Variants in TNKS observed in about 807,000 individuals in gnomAD.
TNKS encodes tankyrase.
Under a neutral mutation model 135.8 loss-of-function variants are expected in TNKS, and 72 were observed. That is an observed-to-expected ratio of 0.53 (90% CI 0.44 to 0.64). The LOEUF (loss-of-function observed/expected upper bound fraction) is 0.64, where lower values mean the gene tolerates loss of function less well. TNKS is among the 30% of genes least tolerant of loss of function. The pLI is 0.00. For synonymous variants in TNKS, 849 were observed against 649.3 expected (o/e 1.31, Z -4.68); for missense variants, 1,769 against 1,674.0 (o/e 1.06, Z -0.99).
intron 5 of TNKS, among the ~76,000 whole-genome samples, chr8:9,695,776 G>T (rs1369578232): frequency 6.6e-6 from 1 of 152,146 alleles, no homozygotes; most frequent in Non-Finnish European, 1.5e-5. Context: ...ATATATTTTG[G>T]AGGCATAGTC....
chr8:9,715,395 G>A (rs531987333), intron 11 of TNKS, among the ~76,000 whole-genome samples: 101 of 152,124 alleles, frequency 6.6e-4, no homozygotes, highest in African/African-American at 2.3e-3. Context: ...GGTCTGAAGG[G>A]ACAAGGCAAA....
intron 22 of TNKS, among the ~76,000 whole-genome samples, chr8:9,764,161 T>A (rs971963143): frequency 7.9e-5 from 12 of 152,206 alleles, no homozygotes; most frequent in Admixed American, 5.9e-4. Context: ...GAAACTTAGA[T>A]CTTTAAAACA....
At chr8:9,673,044 A>G (rs1048799695) in intron 3 of TNKS, among the ~76,000 whole-genome samples, 3 of 152,310 alleles carry the variant, frequency 2.0e-5, no homozygotes, top group African/African-American at 7.2e-5. Flanking sequence ...CAATTTAAAG[A>G]ATGTATGTAT....
intron 3 of TNKS, among the ~76,000 whole-genome samples, chr8:9,629,569 T>C (rs1423338766): frequency 6.6e-6 from 1 of 152,238 alleles, no homozygotes; most frequent in East Asian, 1.9e-4. Flanking sequence ...AGTTGGTTTC[T>C]CTCTTGGGTT....
Position 9,556,060 on chromosome 8 carries a change from C to T in TNKS, c.121C>T (p.Pro41Ser), listed in dbSNP as rs2129048181. 1 of 1,608,796 alleles carries T rather than the reference C, an allele frequency of 6.2e-7. No homozygotes were observed. The highest frequency in any genetic ancestry group is 8.5e-7 in the Non-Finnish European group (1 of 1,178,458). Reference protein sequence around the residue: ...PPPPLSPGLAPGTTPASPTAS... With the variant: ...PPPPLSPGLASGTTPASPTAS... ...TCCCCCACTCAGCCCTGGCCTGGCC[C>T]CGGGGACCACCCCAGCCTCTCCCAC... is the stretch of plus-strand genomic sequence containing the variant. The change falls in exon 1 of 27, where the codon CCG becomes TCG. Residue 41 changes from proline (P) to serine (S), a missense_variant. By Grantham distance (74) the Pro-to-Ser change is moderately conservative. Around this residue, in one of 5 missense-constraint regions of TNKS, gnomAD observed 450 missense variants for 304.9 expected, o/e 1.48. Transcript: ENST00000310430.
intron 2 of TNKS, among the ~76,000 whole-genome samples, chr8:9,586,125 A>T (rs1162192727): frequency 6.6e-6 from 1 of 152,192 alleles, no homozygotes; most frequent in Non-Finnish European, 1.5e-5. Context: ...ATCGTGAAAT[A>T]ACATGATTAG....
At chr8:9,776,620 G>C (rs1206051423) in intron 26 of TNKS, 30 bp from the exon 27 acceptor site, 2 of 1,602,068 alleles carry the variant, frequency 1.2e-6, no homozygotes, top group Admixed American at 1.7e-5. Context: ...TACTAGAAGG[G>C]TGATTTGTTT....
chr8:9,742,170 C>T (rs1204840408), intron 17 of TNKS, among the ~76,000 whole-genome samples: 1 of 152,070 alleles, frequency 6.6e-6, no homozygotes, highest in African/African-American at 2.4e-5. Context: ...GGTATTTTTA[C>T]CTCATTGTGA....
intron 5 of TNKS, among the ~76,000 whole-genome samples, chr8:9,701,080 C>T (rs1388117169): frequency 1.3e-5 from 2 of 151,718 alleles, no homozygotes; most frequent in African/African-American, 4.8e-5. Flanking sequence ...ACTACAGGTG[C>T]CCGCCACCAC....
intron 17 of TNKS, among the ~76,000 whole-genome samples, chr8:9,746,534 C>T (rs1351151982): frequency 6.6e-6 from 1 of 152,160 alleles, no homozygotes; most frequent in Non-Finnish European, 1.5e-5. Context: ...CTTCCACTCT[C>T]CTTTTCCAAA....
chr8:9,652,389 T>C (rs1801179907), intron 3 of TNKS, among the ~76,000 whole-genome samples: 2 of 152,214 alleles, frequency 1.3e-5, no homozygotes, highest in Admixed American at 1.3e-4. Context: ...TTCTTGGAAA[T>C]TATTTAAGGC....
intron 2 of TNKS, among the ~76,000 whole-genome samples, chr8:9,615,034 AG>A (rs1337411753): frequency 6.6e-5 from 10 of 152,196 alleles, no homozygotes; most frequent in Non-Finnish European, 1.3e-4. Flanking sequence ...GCTCCACGCC[AG>A]GGGACCAGGG....
chr8:9,707,168 G>T (rs1804087594), intron 8 of TNKS, among the ~76,000 whole-genome samples, 171 bp downstream of exon 8: 1 of 152,126 alleles, frequency 6.6e-6, no homozygotes, highest in South Asian at 2.1e-4. Flanking sequence ...GTTATATACA[G>T]ACACTTTTTG....
intron 26 of TNKS, among the ~76,000 whole-genome samples, chr8:9,773,319 T>G (rs1326647595): frequency 6.6e-6 from 1 of 152,182 alleles, no homozygotes; most frequent in African/African-American, 2.4e-5. Flanking sequence ...CTGATATTTT[T>G]TAACATTTAC....
Position 9,556,341 on chromosome 8 carries a change from C to T in TNKS, c.402C>T (p.Ser134=). 3 of 1,614,240 alleles carry T rather than the reference C, an allele frequency of 1.9e-6. No individual in the cohort carries two copies. Among genetic ancestry groups the T allele is most frequent in the Non-Finnish European group, 2.5e-6 (3 of 1,180,048 alleles). ...GSNNSPSSSS[S]PTSSSSSSPS... ...ACAATTCACCGTCGTCCTCTTCTTC[C>T]CCGACTTCTTCCTCATCTTCCTCTC... The change falls in exon 1 of 27, where the codon TCC becomes TCT. Residue 134 remains serine, a synonymous_variant. Transcript: ENST00000310430.
chr8:9,681,289 A>C (rs1802771569), intron 5 of TNKS: 1 of 152,294 alleles, frequency 6.6e-6, no homozygotes, highest in African/African-American at 2.4e-5. Flanking sequence ...TATTATTTGT[A>C]CTGGCTAAGT....
At chr8:9,708,104 G>T (rs771573478) in intron 8 of TNKS, among the ~76,000 whole-genome samples, 3 of 152,070 alleles carry the variant, frequency 2.0e-5, no homozygotes, top group Admixed American at 6.5e-5. Flanking sequence ...TAGGTTTCCT[G>T]TTTCAAAATT....
intron 3 of TNKS, among the ~76,000 whole-genome samples, chr8:9,666,060 C>G (rs1181824881): frequency 6.6e-6 from 1 of 152,146 alleles, no homozygotes; most frequent in Non-Finnish European, 1.5e-5. Context: ...TCATCTTACT[C>G]AGCGCAAATT....
At chr8:9,680,107 C>A in intron 4 of TNKS, 120 bp downstream of exon 4, 1 of 698,220 alleles carries the variant, frequency 1.4e-6, no homozygotes, top group Non-Finnish European at 2.5e-6. Flanking sequence ...TGCAATTATG[C>A]AGATACTAAA....
Sources: gnomAD v4.1 joint callset for allele counts (sites outside exome capture counted in the v4.1 genomes callset) on GRCh38, gnomAD v4.1.1 for gene constraint, gnomAD v4.1.1 regional missense constraint, MANE v1.5 for transcripts, NCBI Gene and HGNC (gene_info 2026-07-23, HGNC 2026-07-21) for gene names.